Variants in HAUS7 observed in about 807,000 individuals in gnomAD.
HAUS7 encodes the protein HAUS augmin-like complex subunit 7.
Under a neutral mutation model 28.4 loss-of-function variants are expected in HAUS7, and 3 were observed. The observed-to-expected ratio is 0.11, with a 90% confidence interval of 0.05 to 0.27. The LOEUF is 0.27. Ranked by LOEUF, HAUS7 falls within the 10% of genes least tolerant of loss-of-function variation. The pLI, the probability that HAUS7 is intolerant of heterozygous loss-of-function variation, is 1.00. For synonymous variants in HAUS7, 165 were observed against 132.1 expected, an observed-to-expected ratio of 1.25 and a Z score of -1.71; for missense variants, 284 against 297.3, an observed-to-expected ratio of 0.96 and a Z score of 0.33.
intron 4 of HAUS7, chrX:153,461,806 G>A (rs1203979004): frequency 1.4e-5 from 4 of 278,806 alleles, no homozygotes; most frequent in South Asian, 2.0e-4. Context: ...AGATGGTGCC[G>A]CCGCACTGGA....
chrX:153,468,139 C>T (rs1185874189), intron 2 of HAUS7, among the ~76,000 whole-genome samples: 5 of 112,432 alleles, frequency 4.4e-5, no homozygotes, highest in South Asian at 3.6e-4. Context: ...AACACAAAAA[C>T]GCCTCCTCCT....
intron 1 of HAUS7, among the ~76,000 whole-genome samples, chrX:153,488,024 C>T (rs782301971): frequency 1.8e-5 from 2 of 113,039 alleles, no homozygotes; most frequent in South Asian, 7.2e-4. Context: ...GGGTCACAAC[C>T]GCAGGGAACA....
chrX:153,463,382 A>AC (rs782338885), intron 3 of HAUS7, among the ~76,000 whole-genome samples: 3 of 111,160 alleles, frequency 2.7e-5, no homozygotes, highest in African/African-American at 9.8e-5. Flanking sequence ...ACTGCCCTTA[A>AC]CCCCACATCC....
intron 9 of HAUS7, among the ~76,000 whole-genome samples, chrX:153,451,317 T>A (rs1252306664): frequency 8.9e-6 from 1 of 112,859 alleles, no homozygotes; most frequent in Non-Finnish European, 1.9e-5. Flanking sequence ...ATGATCATTA[T>A]AAGAATGATG....
chrX:153,471,228 C>G (rs2980037), upstream of HAUS7: 134,031 of 248,630 alleles, frequency 0.54, 27,373 homozygotes, highest in Middle Eastern at 0.65. Flanking sequence ...CCTCTTTGCC[C>G]TCACCTAATG....
chrX:153,484,063 G>A (rs2089619737), intron 1 of HAUS7, among the ~76,000 whole-genome samples: 1 of 111,965 alleles, frequency 8.9e-6, no homozygotes, highest in Admixed American at 9.4e-5. Flanking sequence ...TTAGGGGGCC[G>A]TGCTCCCTCC....
At chrX:153,458,390 T>C (rs1216211073) in intron 4 of HAUS7, among the ~76,000 whole-genome samples, 1 of 113,125 alleles carries the variant, frequency 8.8e-6, no homozygotes. Flanking sequence ...TGCACAGCAA[T>C]GGAATCATAC....
chrX:153,492,133 C>T (rs1297563184), intron 1 of HAUS7, among the ~76,000 whole-genome samples: 5 of 113,085 alleles, frequency 4.4e-5, no homozygotes, highest in Non-Finnish European at 7.5e-5. Context: ...TGCCTTGCGC[C>T]CCCCGTGCCT....
intron 9 of HAUS7, among the ~76,000 whole-genome samples, chrX:153,454,008 G>A (rs2089270193): frequency 9.0e-6 from 1 of 110,624 alleles, no homozygotes; most frequent in South Asian, 3.9e-4. Flanking sequence ...TAGTAGAAAC[G>A]TGGTTTTGCC....
At chrX:153,494,263 C>G (rs1556990198) in intron 1 of HAUS7, among the ~76,000 whole-genome samples, 1 of 112,508 alleles carries the variant, frequency 8.9e-6, no homozygotes, top group Non-Finnish European at 1.9e-5. Flanking sequence ...CCGAGGGGAC[C>G]TGCAGGGATT....
chrX:153,472,879 G>A (rs1167181657), upstream of HAUS7, among the ~76,000 whole-genome samples: 2 of 109,606 alleles, frequency 1.8e-5, no homozygotes, highest in Non-Finnish European at 3.8e-5. Flanking sequence ...AGGGATGTTG[G>A]GGGGAAGCTG....
At chrX:153,471,985 CTTTCT>C (rs1196155417), upstream of HAUS7, among the ~76,000 whole-genome samples, 3 of 111,192 alleles carry the variant, frequency 2.7e-5, no homozygotes, top group East Asian at 8.4e-4. Context: ...GTTTTTCTTT[CTTTCT>C]TTTTAGAAAA....
At chrX:153,476,873 C>T (rs950981189) in intron 1 of HAUS7, among the ~76,000 whole-genome samples, 4 of 104,598 alleles carry the variant, frequency 3.8e-5, no homozygotes, top group Non-Finnish European at 7.9e-5. Context: ...AGCACAAGTC[C>T]GTCAGTGAGC....
intron 1 of HAUS7, among the ~76,000 whole-genome samples, chrX:153,477,855 C>T (rs2089572157): frequency 8.9e-6 from 1 of 112,464 alleles, no homozygotes; most frequent in African/African-American, 3.2e-5. Context: ...CCATGTGGCT[C>T]CTACGGGACT....
intron 1 of HAUS7, chrX:153,481,503 C>T (rs1319099540): frequency 5.3e-6 from 4 of 755,134 alleles, no homozygotes; most frequent in African/African-American, 2.3e-5. Flanking sequence ...GGCACAGGCA[C>T]GCAGACCTGG....
intron 1 of HAUS7, among the ~76,000 whole-genome samples, chrX:153,488,693 G>A (rs1373260892): frequency 3.6e-5 from 4 of 112,670 alleles, no homozygotes; most frequent in African/African-American, 1.3e-4. Flanking sequence ...CTGCCTGGCC[G>A]CCCCGGTCCC....
At position 153,470,504 on chromosome X, in the gene HAUS7, G is replaced by C. The variant is rs931946052; in HGVS notation, c.54C>G (p.Asp18Glu). The change falls in exon 1 of 10, where the codon GAC (aspartate) becomes GAG (glutamate). Residue 18 changes from aspartate (D) to glutamate (E), a missense_variant. Physicochemically the swap from Asp to Glu is conservative, Grantham distance 45 (BLOSUM62 2). Transcript: ENST00000370211. ...CGRGGDDYSE[D>E]EGDSSVSRAA... ...CCCTGGACACGCTGCTGTCGCCCTC[G>C]TCCTCTGAGTAGTCGTCGCCGCCAC... The C allele has an allele frequency of 2.2e-5, 27 of 1,204,869 alleles. No individual in the cohort carries two copies. Among genetic ancestry groups the C allele is most frequent in the Non-Finnish European group, 3.0e-5 (27 of 891,996 alleles).
chrX:153,488,916 T>A (rs2089655315), intron 1 of HAUS7, among the ~76,000 whole-genome samples: 1 of 112,219 alleles, frequency 8.9e-6, no homozygotes, highest in African/African-American at 3.2e-5. Context: ...CCACAGGTGG[T>A]TAATTCCACT....
upstream of HAUS7, among the ~76,000 whole-genome samples, chrX:153,471,565 G>A (rs1486632906): frequency 8.9e-6 from 1 of 112,955 alleles, no homozygotes; most frequent in African/African-American, 3.2e-5. Flanking sequence ...CTGCTGATTG[G>A]GCAAGGCAGG....
Sources: allele counts gnomAD v4.1 joint callset (sites outside exome capture counted in the v4.1 genomes callset), GRCh38; gene constraint gnomAD v4.1.1; transcripts MANE v1.5; gene names NCBI Gene and HGNC (gene_info 2026-07-23, HGNC 2026-07-21).